The following NCAPD3 variants were observed in gnomAD, a reference collection of about 807,000 sequenced individuals.
NCAPD3 encodes condensin-2 complex subunit D3.
In NCAPD3, 105 loss-of-function variants were observed where a neutral mutation model predicts 182.9. The observed-to-expected ratio is 0.57, with a 90% CI of 0.49 to 0.68. The LOEUF (loss-of-function observed/expected upper bound fraction) is 0.68. NCAPD3 is among the 30% of genes least tolerant of loss of function. The probability of loss-of-function intolerance (pLI) is 0.00; values close to 1 mark genes in which losing one functional copy is unlikely to be tolerated. For missense variants in NCAPD3, 1,944 were observed against 1,837.0 expected (o/e 1.06, Z -1.07); for synonymous variants, 815 against 679.9 (o/e 1.20, Z -3.09).
chr11:134,214,209 A>C (rs1016552841), intron 3 of NCAPD3, among the ~76,000 whole-genome samples: 1 of 152,172 alleles, frequency 6.6e-6, no homozygotes, highest in Non-Finnish European at 1.5e-5. Flanking sequence ...AAAGTATCAT[A>C]ATCATATGAA....
chr11:134,224,904 C>T (rs946675278), upstream of NCAPD3: 1 of 202,106 alleles, frequency 4.9e-6, no homozygotes, highest in Non-Finnish European at 9.7e-6. Flanking sequence ...GCTCGGGCGC[C>T]GCAGCCCGCA....
chr11:134,167,888 C>G, intron 27 of NCAPD3, 108 bp downstream of exon 27: 2 of 1,033,230 alleles, frequency 1.9e-6, no homozygotes, highest in Non-Finnish European at 2.9e-6. Context: ...GGGAGGTGCA[C>G]ACTCACTTGT....
chr11:134,194,606 C>T (rs1435237319), intron 14 of NCAPD3, 59 bp downstream of exon 14: 1 of 1,233,874 alleles, frequency 8.1e-7, no homozygotes, highest in Non-Finnish European at 1.2e-6. Context: ...AAAAAATATT[C>T]CTTTGCATTT....
chr11:134,179,444 T>C (rs1357705235), intron 20 of NCAPD3, among the ~76,000 whole-genome samples: 1 of 152,258 alleles, frequency 6.6e-6, no homozygotes, highest in Non-Finnish European at 1.5e-5. Flanking sequence ...ATATGTTTAA[T>C]GACTACATAA....
upstream of NCAPD3, chr11:134,225,304 T>C (rs200076063): frequency 2.5e-6 from 4 of 1,613,986 alleles, no homozygotes; most frequent in East Asian, 2.2e-5. Flanking sequence ...AACAAGCGGC[T>C]GGAGCACCAG....
chr11:134,184,777 A>C (rs1944364226), intron 18 of NCAPD3, 25 bp from the exon 19 acceptor site: 1 of 1,552,666 alleles, frequency 6.4e-7, no homozygotes, highest in African/African-American at 1.4e-5. Context: ...AAAACCCCTG[A>C]AGTTCAACTG....
intron 1 of NCAPD3, among the ~76,000 whole-genome samples, chr11:134,221,538 C>G (rs1015361011): frequency 3.3e-5 from 5 of 152,162 alleles, no homozygotes; most frequent in African/African-American, 1.2e-4. Context: ...CTCCATCCCC[C>G]CTTCCCATTC....
chr11:134,184,825 ACACACAC>A, intron 18 of NCAPD3, 71 bp downstream of exon 18: 1 of 1,289,450 alleles, frequency 7.8e-7, no homozygotes, highest in South Asian at 1.2e-5. Flanking sequence ...ACACACACAC[ACACACAC>A]ACACACACAC....
At chr11:134,162,879 C>T (rs574244966) in intron 27 of NCAPD3, among the ~76,000 whole-genome samples, 4 of 152,124 alleles carry the variant, frequency 2.6e-5, no homozygotes, top group Non-Finnish European at 4.4e-5. Context: ...TGTTAAGTGG[C>T]AGGGTGTTAG....
intron 28 of NCAPD3, 30 bp from the exon 29 acceptor site, chr11:134,160,104 G>T: frequency 6.2e-7 from 1 of 1,606,140 alleles, no homozygotes; most frequent in Non-Finnish European, 8.5e-7. Context: ...ATCCTTTCAT[G>T]TTTTCTTGAA....
intron 27 of NCAPD3, among the ~76,000 whole-genome samples, chr11:134,165,940 CACTT>C (rs1342216581): frequency 8.5e-5 from 10 of 117,718 alleles, no homozygotes; most frequent in East Asian, 5.6e-4. Context: ...GCAGCACACT[CACTT>C]GTGAGATGAG....
intron 27 of NCAPD3, among the ~76,000 whole-genome samples, chr11:134,165,491 T>A (rs1943749823): frequency 6.9e-6 from 1 of 144,706 alleles, no homozygotes; most frequent in Non-Finnish European, 1.5e-5. Context: ...AGTGGCACAC[T>A]TGTGAGATGA....
At position 134,194,666 on chromosome 11, in the gene NCAPD3, T is replaced by C; in HGVS notation, c.1688A>G (p.Gln563Arg). ...AAAATGTGCAGAGAAAACTCCCACC[T>C]GCAGTGCAGACTTCCTAACGTTGGT... The part of the protein sequence containing the change: ...EKTNVRKSAL[Q>R]VLVSILKHCD... Residue 563 changes from glutamine (Q) to arginine (R), a missense_variant and splice_region_variant, in exon 14 of 35, where the codon CAG becomes CGG. Gln to Arg is a conservative substitution (Grantham distance 43). This residue lies in a region of NCAPD3 where 1,803 missense variants were observed against 1,674.6 expected (regional missense o/e 1.08). Coordinates refer to ENST00000534548, the MANE Select transcript of NCAPD3 (RefSeq NM_015261.3). The C allele has an allele frequency of 6.3e-7, 1 of 1,587,180 alleles. No homozygotes were observed. Among genetic ancestry groups the C allele is most frequent in the Non-Finnish European group, 8.6e-7 (1 of 1,168,898 alleles).
At chr11:134,164,930 TA>T (rs1278905946) in intron 27 of NCAPD3, among the ~76,000 whole-genome samples, 2 of 146,810 alleles carry the variant, frequency 1.4e-5, no homozygotes, top group African/African-American at 5.1e-5. Context: ...GAGATGAGCT[TA>T]GGGGGAGGGG....
chr11:134,160,882 G>A (rs1943558002), intron 28 of NCAPD3, among the ~76,000 whole-genome samples: 1 of 151,860 alleles, frequency 6.6e-6, no homozygotes, highest in Non-Finnish European at 1.5e-5. Context: ...GTGCTCACAA[G>A]CAGGAGGAAG....
chr11:134,189,912 T>C (rs188766688), intron 16 of NCAPD3, among the ~76,000 whole-genome samples: 3 of 152,356 alleles, frequency 2.0e-5, no homozygotes, highest in Non-Finnish European at 1.5e-5. Flanking sequence ...TCAGCATTTC[T>C]GGTAATTTTA....
intron 19 of NCAPD3, among the ~76,000 whole-genome samples, chr11:134,184,180 A>C (rs1271103595): frequency 2.0e-5 from 3 of 152,224 alleles, no homozygotes; most frequent in Non-Finnish European, 4.4e-5. Flanking sequence ...TACCAACAAG[A>C]GATATTTGAG....
intron 13 of NCAPD3, among the ~76,000 whole-genome samples, chr11:134,202,460 C>T (rs1944768957): frequency 6.6e-6 from 1 of 152,182 alleles, no homozygotes; most frequent in Non-Finnish European, 1.5e-5. Context: ...TCACTGTAGC[C>T]TGGAACTCCT....
chr11:134,178,758 G>C lies in NCAPD3; in HGVS notation c.2675-17C>G. On this transcript the variant is annotated splice_polypyrimidine_tract_variant and intron_variant, in intron 21 of 34. Transcript: ENST00000534548. The stretch of plus-strand genomic sequence containing the variant: ...ATGATGGTGCTGCAAAGAAGGGAGA[G>C]AAAGTTACCGACAGAACCTTGAAAC... 2 of 1,608,308 alleles carry C rather than the reference G, an allele frequency of 1.2e-6. No individual in the cohort carries two copies. Among genetic ancestry groups the C allele is most frequent in the South Asian group, 2.2e-5 (2 of 90,804 alleles).
Sources: gnomAD v4.1 joint callset for allele counts (sites outside exome capture counted in the v4.1 genomes callset) on GRCh38, gnomAD v4.1.1 for gene constraint, gnomAD v4.1.1 regional missense constraint, MANE v1.5 for transcripts, NCBI Gene and HGNC (gene_info 2026-07-23, HGNC 2026-07-21) for gene names.